PHF24: variants seen among roughly 807,000 people sequenced by gnomAD.
PHF24 encodes PHD finger protein 24.
Under a neutral mutation model 42.6 loss-of-function variants are expected in PHF24, and 25 were observed. The observed-to-expected ratio is 0.59, with a 90% CI of 0.43 to 0.82. PHF24 has a LOEUF of 0.82. PHF24 is among the 40% of genes least tolerant of loss of function. The pLI is 0.00. For synonymous variants in PHF24, 185 were observed against 204.8 expected, an observed-to-expected ratio of 0.90 and a Z score of 0.83; for missense variants, 470 against 538.1, an observed-to-expected ratio of 0.87 and a Z score of 1.25.
the PHF24 span, among the ~76,000 whole-genome samples, chr9:34,842,784 A>AT: frequency 4.1e-4 from 62 of 152,160 alleles, no homozygotes; most frequent in African/African-American, 1.3e-3. Context: ...TGTGTGTTTA[A>AT]TTTTTTTTAA....
chr9:34,840,991 T>C, the PHF24 span, among the ~76,000 whole-genome samples: 1 of 151,852 alleles, frequency 6.6e-6, no homozygotes, highest in African/African-American at 2.4e-5. Context: ...TTCACACTTC[T>C]TTTTTTTATT....
At chr9:34,917,023 G>C in the PHF24 span, among the ~76,000 whole-genome samples, 41 of 152,316 alleles carry the variant, frequency 2.7e-4, 1 homozygote, top group Admixed American at 2.3e-3. Flanking sequence ...ATATTCAAAA[G>C]TGTGAACACA....
the PHF24 span, among the ~76,000 whole-genome samples, chr9:34,708,478 G>A: frequency 2.0e-5 from 3 of 152,226 alleles, no homozygotes; most frequent in Non-Finnish European, 4.4e-5. Flanking sequence ...AAGTCCCCTC[G>A]GGTCTTTGCC....
the PHF24 span, among the ~76,000 whole-genome samples, chr9:34,774,156 G>A: frequency 5.9e-5 from 9 of 152,102 alleles, no homozygotes; most frequent in Admixed American, 4.6e-4. Flanking sequence ...GAAAACATCA[G>A]GGAAAAATTT....
the PHF24 span, among the ~76,000 whole-genome samples, chr9:34,812,608 A>C: frequency 9.2e-5 from 14 of 152,244 alleles, no homozygotes. Context: ...CTGAGGAAGC[A>C]GACTGGATAT....
At chr9:34,851,385 G>A in the PHF24 span, among the ~76,000 whole-genome samples, 1 of 152,194 alleles carries the variant, frequency 6.6e-6, no homozygotes, top group African/African-American at 2.4e-5. Flanking sequence ...GAGACTCCGT[G>A]GGTGTAGGAC....
the PHF24 span, among the ~76,000 whole-genome samples, chr9:34,813,222 T>G: frequency 8.5e-5 from 13 of 152,276 alleles, no homozygotes; most frequent in African/African-American, 3.1e-4. Context: ...TCCTCCTACC[T>G]CTGCTTGCCT....
the PHF24 span, among the ~76,000 whole-genome samples, chr9:34,748,314 A>G: frequency 2.0e-5 from 3 of 152,166 alleles, no homozygotes; most frequent in Non-Finnish European, 4.4e-5. Context: ...CTCATGTTCA[A>G]TTATAGTCTC....
chr9:34,944,889 T>TAA, the PHF24 span, among the ~76,000 whole-genome samples: 1 of 129,184 alleles, frequency 7.7e-6, no homozygotes, highest in Non-Finnish European at 1.7e-5. Context: ...CTTGTCTCTT[T>TAA]AAAAAAAAAA....
the PHF24 span, among the ~76,000 whole-genome samples, chr9:34,776,869 T>C: frequency 2.0e-5 from 3 of 152,228 alleles, no homozygotes; most frequent in Admixed American, 6.5e-5. Context: ...TTTACTTTCA[T>C]AGGGGAGGAC....
chr9:34,802,412 G>A, the PHF24 span, among the ~76,000 whole-genome samples: 13 of 151,432 alleles, frequency 8.6e-5, no homozygotes, highest in South Asian at 1.5e-3. Flanking sequence ...TTTTTTTTCC[G>A]TCATAGAATC....
At chr9:34,936,842 C>G in the PHF24 span, among the ~76,000 whole-genome samples, 1 of 151,436 alleles carries the variant, frequency 6.6e-6, no homozygotes, top group African/African-American at 2.4e-5. Context: ...GCAACCGCCC[C>G]GTCTGATAAG....
the PHF24 span, among the ~76,000 whole-genome samples, chr9:34,916,499 CATCTT>C: frequency 6.6e-6 from 1 of 152,226 alleles, no homozygotes; most frequent in Non-Finnish European, 1.5e-5. Flanking sequence ...TGAAGACAAT[CATCTT>C]ATAAATGAGG....
At chr9:34,950,732 C>A in the PHF24 span, among the ~76,000 whole-genome samples, 13 of 152,042 alleles carry the variant, frequency 8.6e-5, no homozygotes, top group Non-Finnish European at 1.5e-4. Flanking sequence ...GGAGAAAGAT[C>A]TTGGGACCAA....
At chr9:34,904,195 C>A in the PHF24 span, among the ~76,000 whole-genome samples, 18 of 152,300 alleles carry the variant, frequency 1.2e-4, no homozygotes, top group South Asian at 3.7e-3. Flanking sequence ...TTCCTCTTTA[C>A]TGATTTGGAT....
chr9:34,820,655 T>G, the PHF24 span, among the ~76,000 whole-genome samples: 64 of 152,346 alleles, frequency 4.2e-4, no homozygotes, highest in Admixed American at 1.5e-3. Flanking sequence ...TTTAGGTTGA[T>G]TCCATGTCTT....
At chr9:34,740,793 G>C in the PHF24 span, among the ~76,000 whole-genome samples, 1 of 152,092 alleles carries the variant, frequency 6.6e-6, no homozygotes, top group Admixed American at 6.5e-5. Flanking sequence ...CCTTACAATG[G>C]AATATTATGC....
the PHF24 span, among the ~76,000 whole-genome samples, chr9:34,945,210 A>G: frequency 6.6e-6 from 1 of 152,248 alleles, no homozygotes; most frequent in African/African-American, 2.4e-5. Context: ...CCCAAGAGGG[A>G]GTAATCTCTG....
rs777177346 is a variant in PHF24 at position 34,972,541 on chromosome 9, G to T, written c.564+10G>T. On this transcript the variant is annotated intron_variant, in intron 3 of 7. Coordinates refer to ENST00000242315, the Ensembl canonical transcript of PHF24. ...GAGCTGCCACTACTGTGTAAGTCTG[G>T]ACTGCAGGGACAGCAGAGGACTTGG... is the stretch of plus-strand genomic sequence containing the variant. The T allele has an allele frequency of 1.3e-6, 2 of 1,592,050 alleles. No homozygotes were observed. Among genetic ancestry groups the T allele is most frequent in the South Asian group, 2.3e-5 (2 of 88,164 alleles).
Sources: allele counts gnomAD v4.1 joint callset (sites outside exome capture counted in the v4.1 genomes callset), GRCh38; gene constraint gnomAD v4.1.1; transcripts MANE v1.5; gene names NCBI Gene and HGNC (gene_info 2026-07-23, HGNC 2026-07-21).